PREX1: variants seen among roughly 807,000 people sequenced by gnomAD.
The protein encoded by PREX1 is phosphatidylinositol 3,4,5-trisphosphate-dependent Rac exchanger 1 protein.
PREX1 carries 41 observed loss-of-function variants against 198.3 expected under a neutral mutation model. The ratio of observed to expected loss-of-function variants is 0.21; its 90% confidence interval spans 0.16 to 0.27. PREX1 has a LOEUF of 0.27. PREX1 is among the 10% of genes least tolerant of loss of function. PREX1 has a pLI of 1.00. For missense variants in PREX1, 1,620 were observed against 2,200.7 expected (o/e 0.74, Z 5.28); for synonymous variants, 843 against 887.2 (o/e 0.95, Z 0.89).
At chr20:48,824,372 G>A (rs748664378) in intron 1 of PREX1, among the ~76,000 whole-genome samples, 3 of 152,042 alleles carry the variant, frequency 2.0e-5, no homozygotes, top group Non-Finnish European at 2.9e-5. Context: ...TCCTGTGGCC[G>A]GAGTTTAGGG....
intron 3 of PREX1, among the ~76,000 whole-genome samples, chr20:48,743,995 GA>G (rs1258047335): frequency 1.4e-5 from 2 of 147,026 alleles, no homozygotes; most frequent in Admixed American, 6.8e-5. Context: ...AGTTAGTGAT[GA>G]TGATGATGAT....
the PREX1 span, among the ~76,000 whole-genome samples, chr20:48,834,638 C>A: frequency 4.6e-5 from 7 of 152,154 alleles, no homozygotes; most frequent in African/African-American, 1.4e-4. Flanking sequence ...CAGCTCACTG[C>A]AGCCTCAACC....
intron 23 of PREX1, 82 bp from the exon 24 acceptor site, chr20:48,650,288 C>T (rs564666994): frequency 7.3e-7 from 1 of 1,376,992 alleles, no homozygotes; most frequent in East Asian, 2.3e-5. Context: ...CCACTTTATC[C>T]TGGCCTAGGC....
intron 29 of PREX1, among the ~76,000 whole-genome samples, chr20:48,641,035 G>A (rs924586757): frequency 6.6e-6 from 1 of 152,022 alleles, no homozygotes; most frequent in African/African-American, 2.4e-5. Flanking sequence ...ATAGATGGGT[G>A]GATAGATGGA....
Position 48,642,087 on chromosome 20 carries a change from T to C in PREX1, c.3775+81A>G, listed in dbSNP as rs1601036624. 4.2e-6 allele frequency: 6 copies of C among 1,428,760 alleles called. 1 individual carries two copies. In the South Asian group the frequency reaches 7.1e-5, roughly 17 times the overall value. The allele number at this position is 1,428,760 out of a possible 1,614,324, so 88.5% of individuals were successfully genotyped here. ...TCGTTCAGCAGTAGGAGGGCAGAGC[T>C]GAGCATTAGCCCGGGTACGCCGCCC... is the stretch of plus-strand genomic sequence containing the variant. On this transcript the variant is annotated intron_variant, in intron 29 of 39. Transcript: ENST00000371941.
intron 13 of PREX1, among the ~76,000 whole-genome samples, chr20:48,677,223 G>A (rs1046212087): frequency 3.3e-5 from 5 of 152,160 alleles, no homozygotes; most frequent in Non-Finnish European, 7.4e-5. Context: ...TGCCTTCTGG[G>A]GCTTGCACAA....
intron 10 of PREX1, among the ~76,000 whole-genome samples, chr20:48,683,793 C>T (rs909173007): frequency 6.6e-6 from 1 of 152,142 alleles, no homozygotes; most frequent in African/African-American, 2.4e-5. Context: ...TCTGAAAGCA[C>T]TACGTGGGCC....
At position 48,642,114 on chromosome 20, in the gene PREX1, G is replaced by C. The variant is rs1024669642; in HGVS notation, c.3775+54C>G. The C allele has an allele frequency of 1.1e-5, 17 of 1,569,000 alleles. No individual in the cohort carries two copies. In the African/African-American group the frequency reaches 1.8e-4, roughly 16 times the overall value. On this transcript the variant is annotated intron_variant, in intron 29 of 39. Transcript: ENST00000371941. ...AGCATTAGCCCGGGTACGCCGCCCTGTCTAACACCCTTCCCCATCGCAGGC... is the reference window on the plus strand; with the variant it reads ...AGCATTAGCCCGGGTACGCCGCCCTCTCTAACACCCTTCCCCATCGCAGGC...
At chr20:48,800,830 T>A (rs1188954861) in intron 1 of PREX1, among the ~76,000 whole-genome samples, 2 of 152,142 alleles carry the variant, frequency 1.3e-5, no homozygotes, top group African/African-American at 4.8e-5. Context: ...TCTAATTTTT[T>A]TTTTTTGTAG....
chr20:48,774,042 C>T (rs1180521606), intron 1 of PREX1, among the ~76,000 whole-genome samples: 3 of 152,124 alleles, frequency 2.0e-5, no homozygotes, highest in African/African-American at 4.8e-5. Flanking sequence ...AAGTCGAGGC[C>T]GTCTCCCTGG....
chr20:48,661,468 T>TATATATATATATATATATATACAC (rs1373152651), intron 15 of PREX1, among the ~76,000 whole-genome samples: 5 of 76,802 alleles, frequency 6.5e-5, no homozygotes, highest in African/African-American at 4.0e-4. Flanking sequence ...TATATATATA[T>TATATATATATATATATATATACAC]ACACACACAT....
At chr20:48,860,640 A>C in the PREX1 span, among the ~76,000 whole-genome samples, 1 of 152,140 alleles carries the variant, frequency 6.6e-6, no homozygotes, top group Non-Finnish European at 1.5e-5. Context: ...GGAGATCGAG[A>C]CCATCCTGGC....
At chr20:48,887,000 G>C in the PREX1 span, among the ~76,000 whole-genome samples, 4 of 152,180 alleles carry the variant, frequency 2.6e-5, no homozygotes, top group African/African-American at 9.7e-5. Flanking sequence ...ACAACCATCG[G>C]AGGTAGGTAG....
rs6095238 is a variant in PREX1 at position 48,676,252 on chromosome 20, G to A, written c.1606C>T (p.Leu536=). 1 of 1,614,044 alleles carries A rather than the reference G, an allele frequency of 6.2e-7. No homozygotes were observed. Among genetic ancestry groups the A allele is most frequent in the Non-Finnish European group, 8.5e-7 (1 of 1,179,944 alleles). Residue 536 remains leucine, a synonymous_variant, in exon 14 of 40, where the codon CTG becomes TTG. Coordinates refer to ENST00000371941, the MANE Select transcript of PREX1 (RefSeq NM_020820.4). ...GGAAGCACTGACTTGTAGGTCTTCA[G>A]GTGGTAATCACGGTCTCTGTGGAGA... ...TPVIKDRDYH[L]KTYKSVLPGS... is the part of the protein sequence containing the mutation.
At chr20:48,777,841 TATC>T (rs2090269984) in intron 1 of PREX1, among the ~76,000 whole-genome samples, 1 of 152,232 alleles carries the variant, frequency 6.6e-6, no homozygotes, top group East Asian at 1.9e-4. Context: ...GTGGGGTTGC[TATC>T]ATCATCATCA....
intron 3 of PREX1, among the ~76,000 whole-genome samples, chr20:48,742,870 G>A (rs1329397005): frequency 2.0e-5 from 3 of 152,006 alleles, no homozygotes; most frequent in African/African-American, 7.2e-5. Flanking sequence ...ACAGCCTCTG[G>A]GGCTCAGACA....
At chr20:48,841,440 A>T in the PREX1 span, among the ~76,000 whole-genome samples, 1 of 152,234 alleles carries the variant, frequency 6.6e-6, no homozygotes, top group Non-Finnish European at 1.5e-5. Flanking sequence ...ACAAGACATA[A>T]CTTGTTAATC....
At chr20:48,779,444 C>T (rs2090278521) in intron 1 of PREX1, among the ~76,000 whole-genome samples, 1 of 152,204 alleles carries the variant, frequency 6.6e-6, no homozygotes. Context: ...AGTTTTTTGG[C>T]AGCTTCCCAT....
chr20:48,829,330 C>T (rs779672237), upstream of PREX1, among the ~76,000 whole-genome samples: 12 of 152,148 alleles, frequency 7.9e-5, no homozygotes, highest in Non-Finnish European at 7.3e-5. Context: ...ACATAGTATC[C>T]GCCTCTAGAC....
Sources: gnomAD v4.1 joint callset for allele counts (sites outside exome capture counted in the v4.1 genomes callset) on GRCh38, gnomAD v4.1.1 for gene constraint, MANE v1.5 for transcripts, NCBI Gene and HGNC (gene_info 2026-07-23, HGNC 2026-07-21) for gene names.